The following CD82 variants were observed in gnomAD, a reference collection of about 807,000 sequenced individuals.
CD82 encodes the protein CD82 antigen.
Under a neutral mutation model 37.4 loss-of-function variants are expected in CD82, and 36 were observed. That is an observed-to-expected ratio of 0.96 (90% CI 0.74 to 1.27). The LOEUF (loss-of-function observed/expected upper bound fraction) is 1.27. Ranked by LOEUF, CD82 falls within the 50% of genes most tolerant of loss-of-function variation. CD82 has a pLI of 0.00. For missense variants in CD82, 340 were observed against 347.0 expected, an observed-to-expected ratio of 0.98 and a Z score of 0.16; for synonymous variants, 158 against 137.4, an observed-to-expected ratio of 1.15 and a Z score of -1.05.
intron 2 of CD82, among the ~76,000 whole-genome samples, chr11:44,589,188 G>A (rs905780942): frequency 6.6e-6 from 1 of 152,190 alleles, no homozygotes; most frequent in African/African-American, 2.4e-5. Flanking sequence ...CCTAGGAGAC[G>A]GAGGTTGCCA....
chr11:44,619,234 C>G lies in CD82; in HGVS notation c.*108C>G, dbSNP rs1391956330. Reference sequence around the variant, plus strand: ...CCTCCCACTTCACTGCGAAGACCCTCTTGCCCATCCTGACTGAAAGTAGGG... The same window carrying G: ...CCTCCCACTTCACTGCGAAGACCCTGTTGCCCATCCTGACTGAAAGTAGGG... On this transcript the variant is annotated 3_prime_UTR_variant, in exon 10 of 10. Transcript: ENST00000227155. 1 of 875,906 alleles carries G rather than the reference C, an allele frequency of 1.1e-6. No homozygotes were observed. Among genetic ancestry groups the G allele is most frequent in the Non-Finnish European group, 1.9e-6 (1 of 520,824 alleles). 54.3% of individuals were successfully genotyped at this position (875,906 alleles called of 1,614,324 possible). A position where few individuals can be genotyped will look rare whatever the true frequency, so the allele number is the denominator to read the frequency against.
chr11:44,569,104 A>T (rs1332208009), intron 1 of CD82, among the ~76,000 whole-genome samples: 1 of 152,206 alleles, frequency 6.6e-6, no homozygotes, highest in Non-Finnish European at 1.5e-5. Context: ...GTGGGACAGG[A>T]CCCGTTTAAT....
At chr11:44,591,925 T>C (rs1211365769) in intron 2 of CD82, among the ~76,000 whole-genome samples, 1 of 152,096 alleles carries the variant, frequency 6.6e-6, no homozygotes, top group Non-Finnish European at 1.5e-5. Context: ...GTTCAAGCGA[T>C]TCTTGTGCCT....
intron 2 of CD82, among the ~76,000 whole-genome samples, chr11:44,591,389 C>G (rs1038852137): frequency 6.6e-6 from 1 of 152,182 alleles, no homozygotes; most frequent in South Asian, 2.1e-4. Flanking sequence ...AGGGACCAGC[C>G]AAGCTTGCCC....
intron 1 of CD82, among the ~76,000 whole-genome samples, chr11:44,578,167 A>G (rs1852926014): frequency 6.6e-6 from 1 of 152,050 alleles, no homozygotes; most frequent in Non-Finnish European, 1.5e-5. Flanking sequence ...TTATTTACAT[A>G]TCAATTTTCC....
At chr11:44,595,697 C>T (rs1184128411) in intron 3 of CD82, among the ~76,000 whole-genome samples, 1 of 152,022 alleles carries the variant, frequency 6.6e-6, no homozygotes, top group East Asian at 1.9e-4. Flanking sequence ...ATATTAATTA[C>T]TTGTTTGGGG....
intron 1 of CD82, among the ~76,000 whole-genome samples, chr11:44,569,985 G>C (rs1259709818): frequency 6.6e-6 from 1 of 152,196 alleles, no homozygotes; most frequent in African/African-American, 2.4e-5. Context: ...CTCAATAAAG[G>C]AGAGCCATTG....
chr11:44,612,713 A>G (rs1429546268), intron 6 of CD82, among the ~76,000 whole-genome samples: 1 of 136,460 alleles, frequency 7.3e-6, no homozygotes, highest in Non-Finnish European at 1.5e-5. Context: ...GCTCACTGCA[A>G]CCTCCACCTC....
At chr11:44,576,011 C>A (rs991864984) in intron 1 of CD82, among the ~76,000 whole-genome samples, 5 of 152,214 alleles carry the variant, frequency 3.3e-5, no homozygotes, top group African/African-American at 9.7e-5. Context: ...CTGCACCGGC[C>A]CCAAGTGAGA....
rs553367601 is a variant in CD82 at position 44,597,529 on chromosome 11, A to C, written c.64-2629A>C. Among the ~76,000 whole-genome samples, 9 of 152,246 alleles carry C rather than the reference A, an allele frequency of 5.9e-5. No individual in the cohort carries two copies. The highest frequency in any genetic ancestry group is 1.3e-4 in the Admixed American group (2 of 15,290). On this transcript the variant is annotated intron_variant, in intron 3 of 9. Transcript: ENST00000227155. This position sits in a 1 kb window ranked among gnomAD's most constrained non-coding sequence, Gnocchi z 4.1. ...CACATCTGACCATCAGGCTGGGGTC[A>C]TCAGACCTACAGAGGGACTGAATGG... is the stretch of plus-strand genomic sequence containing the variant.
At chr11:44,573,918 G>T (rs936808788) in intron 1 of CD82, among the ~76,000 whole-genome samples, 17 of 152,162 alleles carry the variant, frequency 1.1e-4, no homozygotes, top group African/African-American at 4.1e-4. Flanking sequence ...ATGCTTCGTG[G>T]CAGGCCCAGG....
At chr11:44,615,569 G>C (rs1332851871) in intron 7 of CD82, among the ~76,000 whole-genome samples, 196 bp downstream of exon 7, 2 of 152,218 alleles carry the variant, frequency 1.3e-5, no homozygotes, top group Non-Finnish European at 2.9e-5. Flanking sequence ...CAGAGACTCA[G>C]AGGCAGCTTC....
upstream of CD82, among the ~76,000 whole-genome samples, chr11:44,564,985 G>A (rs189880017): frequency 2.9e-4 from 44 of 152,392 alleles, no homozygotes; most frequent in Middle Eastern, 3.4e-3. Context: ...CCCTGGCAAG[G>A]ATTCAATCAA....
At chr11:44,618,923 T>C in intron 9 of CD82, 126 bp from the exon 10 acceptor site, 1 of 913,338 alleles carries the variant, frequency 1.1e-6, no homozygotes. Flanking sequence ...GCTGCCTGCA[T>C]CACAGGGTGG....
At chr11:44,607,192 A>G (rs547373765) in intron 6 of CD82, among the ~76,000 whole-genome samples, 10 of 152,376 alleles carry the variant, frequency 6.6e-5, no homozygotes, top group African/African-American at 2.2e-4. Context: ...CAACATCAAC[A>G]TCAACAAATA....
rs75358047 is a variant in CD82 at position 44,597,148 on chromosome 11, G to A, written c.63+2423G>A. 0.014 allele frequency among the ~76,000 whole-genome samples: 2,148 copies of A among 152,326 alleles called. 47 individuals carry two copies. The highest frequency in any genetic ancestry group is 0.048 in the African/African-American group (1,986 of 41,554). On this transcript the variant is annotated intron_variant, in intron 3 of 9. Coordinates refer to ENST00000227155, the MANE Select transcript of CD82 (RefSeq NM_002231.4). This position sits in a 1 kb window ranked among gnomAD's most constrained non-coding sequence, Gnocchi z 4.1. ...GGATTTGTGGTTTGGAAAAATCCCCGTGGCTGCTATGTGTGCTCGCGCCTG... is the reference window on the plus strand; with the variant it reads ...GGATTTGTGGTTTGGAAAAATCCCCATGGCTGCTATGTGTGCTCGCGCCTG...
In CD82 at chr11:44,603,799, G is replaced by A. The variant is rs191079144; in HGVS notation, c.137-1259G>A. Among the ~76,000 whole-genome samples the A allele has an allele frequency of 2.6e-4, 39 of 152,314 alleles. 1 individual carries two copies. The East Asian group carries it at 6.6e-3, about 26-fold the overall frequency. On this transcript the variant is annotated intron_variant, in intron 4 of 9. Transcript: ENST00000227155. ...GACCTCTACCTCCCGGAATGGGCCT[G>A]TCCACAGGTAGCTCTAAAGAGGGTC...
At chr11:44,600,075 C>G in intron 3 of CD82, 83 bp from the exon 4 acceptor site, 1 of 1,442,682 alleles carries the variant, frequency 6.9e-7, no homozygotes, top group Non-Finnish European at 9.7e-7. Context: ...CCCTGCCCAC[C>G]CTGACTTGGG....
intron 1 of CD82, chr11:44,587,274 A>G: frequency 2.7e-6 from 1 of 367,922 alleles, no homozygotes; most frequent in Non-Finnish European, 5.5e-6. Context: ...AGGTAGGTAT[A>G]AGGACCTGGG....
Sources: gnomAD v4.1 joint callset for allele counts (sites outside exome capture counted in the v4.1 genomes callset) on GRCh38, gnomAD v4.1.1 for gene constraint, Gnocchi (gnomAD v3.1) non-coding constraint, MANE v1.5 for transcripts, NCBI Gene and HGNC (gene_info 2026-07-23, HGNC 2026-07-21) for gene names.